Variants in ADCY2 observed in about 807,000 individuals in gnomAD.
ADCY2 encodes adenylate cyclase type 2.
Under a neutral mutation model 125.2 loss-of-function variants are expected in ADCY2, and 31 were observed. That is an observed-to-expected ratio of 0.25 (90% CI 0.19 to 0.33). ADCY2 has a LOEUF of 0.33. ADCY2 is among the 10% of genes least tolerant of loss of function. The pLI, the probability that ADCY2 is intolerant of heterozygous loss-of-function variation, is 1.00. For synonymous variants in ADCY2, 512 were observed against 548.4 expected (o/e 0.93, Z 0.93); for missense variants, 904 against 1,418.2 (o/e 0.64, Z 5.82).
At position 7,408,035 on chromosome 5, in the gene ADCY2, A is replaced by T. The variant is rs543997092; in HGVS notation, c.211-6538A>T. 2.6e-5 allele frequency among the ~76,000 whole-genome samples: 4 copies of T among 151,354 alleles called. No individual in the cohort carries two copies. In the South Asian group the frequency reaches 8.4e-4, roughly 32 times the overall value. ...AGGCATGTGCCACCATACTCAACTAATTTTTTGTATTTTTTTAGTAGAGAC... is the reference window on the plus strand; with the variant it reads ...AGGCATGTGCCACCATACTCAACTATTTTTTTGTATTTTTTTAGTAGAGAC... On this transcript the variant is annotated intron_variant, in intron 1 of 24. Transcript: ENST00000338316.
rs551168273 is a variant in ADCY2, at chr5:7,812,705, C to T, written c.2884-4161C>T. Among the ~76,000 whole-genome samples, 31 of 152,242 alleles carry T rather than the reference C, an allele frequency of 2.0e-4. No individual in the cohort carries two copies. In the South Asian group the frequency reaches 3.1e-3, roughly 15 times the overall value. On this transcript the variant is annotated intron_variant, in intron 22 of 24. Coordinates refer to ENST00000338316, the MANE Select transcript of ADCY2 (RefSeq NM_020546.3). ...GGCGGATCACCTGAGCTCAGGAGTGCGAGACCAACCTGGCCAACACGGTGA... is the reference window on the plus strand; with the variant it reads ...GGCGGATCACCTGAGCTCAGGAGTGTGAGACCAACCTGGCCAACACGGTGA...
At chr5:7,656,533 A>G (rs1428455809) in intron 4 of ADCY2, among the ~76,000 whole-genome samples, 1 of 152,258 alleles carries the variant, frequency 6.6e-6, no homozygotes, top group Non-Finnish European at 1.5e-5. Flanking sequence ...GAAAGTCTAT[A>G]TAGAGCTATA....
At chr5:7,630,021 C>G (rs780667668) in intron 4 of ADCY2, among the ~76,000 whole-genome samples, 1 of 152,144 alleles carries the variant, frequency 6.6e-6, no homozygotes, top group African/African-American at 2.4e-5. Flanking sequence ...TTTACTTAAT[C>G]TGAACCATCC....
chr5:7,514,564 C>G (rs10065039), intron 2 of ADCY2, among the ~76,000 whole-genome samples: 30,828 of 152,114 alleles, frequency 0.2, 3,392 homozygotes, highest in Non-Finnish European at 0.23. Context: ...CTCCAAGAAA[C>G]ATATATTGAA....
intron 14 of ADCY2, among the ~76,000 whole-genome samples, chr5:7,738,020 G>A (rs1410426874): frequency 6.6e-6 from 1 of 152,104 alleles, no homozygotes; most frequent in East Asian, 1.9e-4. Flanking sequence ...AAACCTACAA[G>A]ATATGCTAAT....
chr5:7,614,556 G>T (rs761076200), intron 3 of ADCY2, among the ~76,000 whole-genome samples: 1 of 152,184 alleles, frequency 6.6e-6, no homozygotes, highest in Non-Finnish European at 1.5e-5. Flanking sequence ...TTTGCACAAG[G>T]TTGAGGTATT....
Position 7,755,278 on chromosome 5 carries a change from A to G in ADCY2, c.1957-2171A>G, listed in dbSNP as rs558535442. Among the ~76,000 whole-genome samples the G allele has an allele frequency of 1.5e-3, 231 of 152,284 alleles. 1 individual carries two copies. Among genetic ancestry groups the G allele is most frequent in the African/African-American group, 5.4e-3 (225 of 41,570 alleles). On this transcript the variant is annotated intron_variant, in intron 15 of 24. Transcript: ENST00000338316. ...AGCTCCCTGGTAGGTACTCAGAGAA[A>G]TGAGACGAGGGCGCAGGAAAATCAG...
At chr5:7,568,542 G>A (rs932342775) in intron 3 of ADCY2, among the ~76,000 whole-genome samples, 24 of 152,072 alleles carry the variant, frequency 1.6e-4, no homozygotes, top group African/African-American at 5.8e-4. Context: ...CTCACTGGGA[G>A]TGAAAACAGA....
intron 23 of ADCY2, among the ~76,000 whole-genome samples, chr5:7,819,766 G>T (rs979308651): frequency 6.6e-6 from 1 of 152,198 alleles, no homozygotes. Flanking sequence ...CAACAAAAGC[G>T]ATGGGACAAA....
intron 3 of ADCY2, among the ~76,000 whole-genome samples, chr5:7,538,294 T>C (rs998086166): frequency 1.3e-4 from 20 of 152,120 alleles, no homozygotes; most frequent in Admixed American, 2.0e-4. Context: ...TCTGCATGAA[T>C]TGGTTGTATG....
intron 3 of ADCY2, among the ~76,000 whole-genome samples, chr5:7,551,258 G>A (rs1208864104): frequency 1.3e-5 from 2 of 152,080 alleles, no homozygotes; most frequent in African/African-American, 4.8e-5. Context: ...AGATGCAAAG[G>A]AAAGAAAACT....
chr5:7,698,099 A>C (rs1458165364), intron 6 of ADCY2, 148 bp from the exon 7 acceptor site: 18 of 877,474 alleles, frequency 2.1e-5, no homozygotes, highest in Non-Finnish European at 3.0e-5. Context: ...CTGGTTGAGT[A>C]ATGAAGGGAA....
intron 20 of ADCY2, chr5:7,798,959 C>T (rs568343928): frequency 3.4e-4 from 52 of 152,218 alleles, no homozygotes; most frequent in African/African-American, 1.1e-3. Flanking sequence ...AGGGTAGTCC[C>T]GAGTGTTCGT....
chr5:7,712,871 C>G lies in ADCY2; in HGVS notation c.1594C>G (p.Gln532Glu). The change falls in exon 11 of 25, where the codon CAG (glutamine) becomes GAG (glutamate). Residue 532 changes from glutamine to glutamate, a missense_variant. Gln to Glu is a conservative substitution (Grantham distance 29). Transcript: ENST00000338316. ...KISTTDVPMG[Q>E]HNFQNRTLRT... ...CTCAATATAGGATGTACCCATGGGT[C>G]AGCATAATTTTCAAAATCGCACCTT... 2 of 1,609,338 alleles carry G rather than the reference C, an allele frequency of 1.2e-6. No homozygotes were observed. Among genetic ancestry groups the G allele is most frequent in the East Asian group, 4.5e-5 (2 of 44,784 alleles).
chr5:7,702,627 C>T (rs1018894405), intron 7 of ADCY2, among the ~76,000 whole-genome samples: 3 of 152,190 alleles, frequency 2.0e-5, no homozygotes, highest in Admixed American at 2.0e-4. Context: ...CAATCTATCA[C>T]TGATGGACAT....
chr5:7,720,498 T>C (rs1247957759), intron 12 of ADCY2, among the ~76,000 whole-genome samples: 1 of 152,098 alleles, frequency 6.6e-6, no homozygotes. Context: ...GCTGCACCCA[T>C]TAACTTGTCA....
At chr5:7,577,331 C>T (rs978611637) in intron 3 of ADCY2, among the ~76,000 whole-genome samples, 1 of 152,314 alleles carries the variant, frequency 6.6e-6, no homozygotes, top group South Asian at 2.1e-4. Flanking sequence ...TGAAGCTGTT[C>T]TGTGGTCTGC....
chr5:7,436,780 C>CA (rs984036885), intron 2 of ADCY2, among the ~76,000 whole-genome samples: 3 of 152,196 alleles, frequency 2.0e-5, no homozygotes, highest in African/African-American at 7.2e-5. Flanking sequence ...GATAACATGC[C>CA]AGGCGTGTGC....
At chr5:7,416,467 C>A (rs532361494) in intron 2 of ADCY2, among the ~76,000 whole-genome samples, 1 of 152,272 alleles carries the variant, frequency 6.6e-6, no homozygotes, top group South Asian at 2.1e-4. Context: ...TACACTCTGT[C>A]CTTCCCCACT....
Sources: allele counts gnomAD v4.1 joint callset (sites outside exome capture counted in the v4.1 genomes callset), GRCh38; gene constraint gnomAD v4.1.1; transcripts MANE v1.5; gene names NCBI Gene and HGNC (gene_info 2026-07-23, HGNC 2026-07-21).